MAST1: variants seen among roughly 807,000 people sequenced by gnomAD.
The protein encoded by MAST1 is microtubule associated serine/threonine kinase 1, also known as microtubule-associated serine/threonine-protein kinase 1.
Under a neutral mutation model 124.6 loss-of-function variants are expected in MAST1, and 40 were observed. The observed-to-expected ratio is 0.32, with a 90% confidence interval of 0.25 to 0.42. The LOEUF is 0.42. Among genes scored for constraint, MAST1 ranks in the 10% least tolerant of loss-of-function variants. The probability of loss-of-function intolerance (pLI) is 1.00; values close to 1 mark genes in which losing one functional copy is unlikely to be tolerated. For synonymous variants in MAST1, 938 were observed against 939.4 expected (o/e 1.00, Z 0.03); for missense variants, 1,558 against 2,181.9 (o/e 0.71, Z 5.70).
Position 12,865,545 on chromosome 19 carries a change from G to C in MAST1, c.1804+64G>C. On this transcript the variant is annotated intron_variant, in intron 15 of 25. Transcript: ENST00000251472. The surrounding 1 kb of genome is among the most constrained non-coding windows in gnomAD (Gnocchi z 7.1). Reference sequence around the variant, plus strand: ...TGCACGGAGAGATGGACAGGCTCAGGGTTCCAGGGATTTCAAAAGCGACCC... The same window carrying C: ...TGCACGGAGAGATGGACAGGCTCAGCGTTCCAGGGATTTCAAAAGCGACCC... 1.3e-6 allele frequency: 2 copies of C among 1,529,780 alleles called. No homozygotes were observed. The highest frequency in any genetic ancestry group is 1.8e-6 in the Non-Finnish European group (2 of 1,138,228). The allele number at this position is 1,529,780 out of a possible 1,614,324, so 94.8% of individuals were successfully genotyped here.
In MAST1 at chr19:12,873,485, G is replaced by T. The variant is rs750893453; in HGVS notation, c.3425G>T (p.Arg1142Leu). 6.8e-6 allele frequency: 11 copies of T among 1,607,142 alleles called. No homozygotes were observed. The highest frequency in any genetic ancestry group is 1.3e-5 in the African/African-American group (1 of 74,898). Residue 1142 changes from arginine (R) to leucine (L), a missense_variant, in exon 25 of 26, where the codon CGC becomes CTC. Arg to Leu is a moderately radical substitution (Grantham distance 102). This residue lies in a region of MAST1 where 291 missense variants were observed against 475.8 expected (regional missense o/e 0.61). Coordinates refer to ENST00000251472, the MANE Select transcript of MAST1 (RefSeq NM_014975.3). ...GCGCGCTCGCCCACGCACAGCTACC[G>T]CTCCACGCCTGACTCCGCCTACCTA... Reference protein sequence around the residue: ...LPARSPTHSYRSTPDSAYLGA... With the variant: ...LPARSPTHSYLSTPDSAYLGA...
chr19:12,840,648 C>T (rs766407909), intron 2 of MAST1, 114 bp downstream of exon 2: 5 of 775,100 alleles, frequency 6.5e-6, no homozygotes, highest in Non-Finnish European at 1.1e-5. Context: ...GGAGGCGAAC[C>T]AGTTTGGATA....
chr19:12,843,136 T>A lies in MAST1; in HGVS notation c.249-393T>A, dbSNP rs1008596993. ...CACAATATTCTATGTCAGAACATGTTGGGGGGTGGGACGGGTCTTTTTTCT... is the reference window on the plus strand; with the variant it reads ...CACAATATTCTATGTCAGAACATGTAGGGGGGTGGGACGGGTCTTTTTTCT... On this transcript the variant is annotated intron_variant, in intron 3 of 25. Transcript: ENST00000251472. This position sits in a 1 kb window ranked among gnomAD's most constrained non-coding sequence, Gnocchi z 4.9. Among the ~76,000 whole-genome samples, 4 of 152,060 alleles carry A rather than the reference T, an allele frequency of 2.6e-5. No homozygotes were observed. The highest frequency in any genetic ancestry group is 7.2e-5 in the African/African-American group (3 of 41,390).
At position 12,847,600 on chromosome 19, in the gene MAST1, C is replaced by T. The variant is rs765643536; in HGVS notation, c.489-12C>T. The T allele has an allele frequency of 1.2e-6, 2 of 1,614,000 alleles. No homozygotes were observed. The highest frequency in any genetic ancestry group is 1.7e-6 in the Non-Finnish European group (2 of 1,180,012). ...GCAGAGGACTCGACAAAATGGGCTT[C>T]TCTCCCCGCAGCCCCGGGCGCTCCC... On this transcript the variant is annotated splice_polypyrimidine_tract_variant and intron_variant, in intron 5 of 25. Transcript: ENST00000251472. The surrounding 1 kb of genome is among the most constrained non-coding windows in gnomAD (Gnocchi z 5.5).
Position 12,867,961 on chromosome 19 carries a change from C to T in MAST1, c.2550C>T (p.Ala850=), listed in dbSNP as rs371451221. The T allele has an allele frequency of 4.2e-5, 66 of 1,554,940 alleles. No individual in the cohort carries two copies. In the African/African-American group the frequency reaches 8.6e-4, roughly 20 times the overall value. The change falls in exon 20 of 26, where the codon GCC becomes GCT. Residue 850 remains alanine, a synonymous_variant. Coordinates refer to ENST00000251472, the MANE Select transcript of MAST1 (RefSeq NM_014975.3). ...CTCAAGGGGAAGGCACCTCCAGCGC[C>T]GGGGACTCCGAGGCCAGTGAGTGCC... ...EETQGEGTSS[A]GDSEATDRPR...
At chr19:12,848,199 G>A in intron 7 of MAST1, 142 bp downstream of exon 7, 1 of 724,046 alleles carries the variant, frequency 1.4e-6, no homozygotes, top group Non-Finnish European at 2.3e-6. Context: ...ACTCAGGGGT[G>A]GAAGTGGTCC....
chr19:12,873,510 A>G lies in MAST1; in HGVS notation c.3450A>G (p.Leu1150=), dbSNP rs1222607650. ...GCTCCACGCCTGACTCCGCCTACCT[A>G]GGTATTACCTCCTGCACCTGCGCGG... The part of the protein sequence containing the change: ...SYRSTPDSAY[L]GASSQSSSPA... Residue 1150 remains leucine (L), a splice_region_variant and synonymous_variant, in exon 25 of 26, where the codon CTA becomes CTG. Coordinates refer to ENST00000251472, the MANE Select transcript of MAST1 (RefSeq NM_014975.3). The G allele has an allele frequency of 4.4e-6, 7 of 1,601,460 alleles. No homozygotes were observed. The highest frequency in any genetic ancestry group is 5.1e-6 in the Non-Finnish European group (6 of 1,176,514).
chr19:12,839,318 A>T (rs1969799399), intron 1 of MAST1, among the ~76,000 whole-genome samples: 1 of 152,140 alleles, frequency 6.6e-6, no homozygotes, highest in South Asian at 2.1e-4. Context: ...CCATGCACAG[A>T]CACACAGGGG....
intron 12 of MAST1, 47 bp downstream of exon 12, chr19:12,858,786 G>A: frequency 1.9e-6 from 3 of 1,603,460 alleles, no homozygotes; most frequent in Non-Finnish European, 2.6e-6. Flanking sequence ...CGTGCTCACT[G>A]GTCAGGGCTG....
chr19:12,874,539 A>T lies in MAST1; in HGVS notation c.4382A>T (p.Gln1461Leu). 6.6e-7 allele frequency: 1 copy of T among 1,519,340 alleles called. No homozygotes were observed. The highest frequency in any genetic ancestry group is 8.8e-7 in the Non-Finnish European group (1 of 1,137,794). 94.1% of individuals were successfully genotyped at this position (1,519,340 alleles called of 1,614,324 possible). A position where few individuals can be genotyped will look rare whatever the true frequency, so the allele number is the denominator to read the frequency against. ...CTGGGCGCGGACTCCAAGGGGTTGC[A>T]GGAACCCGCACCCCTGGCGCCTTCC... ...QPLGADSKGLQEPAPLAPSVP... is the reference protein window; with the variant it reads ...QPLGADSKGLLEPAPLAPSVP... Residue 1461 changes from glutamine to leucine, a missense_variant, in exon 26 of 26, where the codon CAG becomes CTG. Coordinates refer to ENST00000251472, the MANE Select transcript of MAST1 (RefSeq NM_014975.3). The surrounding 1 kb of genome is among the most constrained non-coding windows in gnomAD (Gnocchi z 6.6).
chr19:12,858,466 G>A lies in MAST1; in HGVS notation c.1157+25G>A, dbSNP rs1358481607. 7 of 1,612,602 alleles carry A rather than the reference G, an allele frequency of 4.3e-6. No individual in the cohort carries two copies. The Admixed American group carries it at 8.3e-5, about 19-fold the overall frequency. ...GGTGAGCCACCCGGGGCTCTGGCGG[G>A]GGGAGGGTGGCGGAGGCCGGGTGTC... On this transcript the variant is annotated intron_variant, in intron 11 of 25. Transcript: ENST00000251472.
intron 4 of MAST1, among the ~76,000 whole-genome samples, chr19:12,845,243 CA>C (rs2145887701): frequency 6.6e-6 from 1 of 151,240 alleles, no homozygotes; most frequent in South Asian, 2.1e-4. Context: ...CTGGAGGTTG[CA>C]GTGAGCCAAG....
At chr19:12,859,826 CA>C (rs60098806) in intron 12 of MAST1, among the ~76,000 whole-genome samples, 31,621 of 93,114 alleles carry the variant, frequency 0.34, 4,060 homozygotes, top group East Asian at 0.61. Context: ...CCCTGTCCCG[CA>C]AAAAAAAAAA....
At chr19:12,855,310 G>A (rs190468457) in intron 10 of MAST1, among the ~76,000 whole-genome samples, 7 of 152,116 alleles carry the variant, frequency 4.6e-5, no homozygotes, top group Admixed American at 3.9e-4. Context: ...TCTGGGTTTG[G>A]GCCTTCTCTT....
intron 10 of MAST1, among the ~76,000 whole-genome samples, chr19:12,857,597 A>G (rs1387757534): frequency 6.6e-6 from 1 of 151,340 alleles, no homozygotes; most frequent in East Asian, 1.9e-4. Flanking sequence ...TATTTTCAGT[A>G]GAGATGGGGT....
chr19:12,849,860 C>T (rs557795532), intron 7 of MAST1, among the ~76,000 whole-genome samples: 1 of 151,528 alleles, frequency 6.6e-6, no homozygotes, highest in Non-Finnish European at 1.5e-5. Context: ...TGCAGTGGTG[C>T]GATTTTGGCT....
At position 12,871,142 on chromosome 19, in the gene MAST1, A is replaced by G. The variant is rs750073868; in HGVS notation, c.3233A>G (p.Lys1078Arg). Residue 1078 changes from lysine to arginine, a missense_variant, in exon 24 of 26, where the codon AAG becomes AGG. By Grantham distance (26) the Lys-to-Arg change is conservative (BLOSUM62 2). Around this residue, in one of 10 missense-constraint regions of MAST1, gnomAD observed 291 missense variants for 475.8 expected, o/e 0.61. Coordinates refer to ENST00000251472, the MANE Select transcript of MAST1 (RefSeq NM_014975.3). ...SYKAKMARRN[K>R]RPSAKEGQES... ...AAGGCTAAAATGGCTCGGAGGAACA[A>G]GCGACCCTCCGCCAAGGAGGGCCAG... 3 of 1,613,946 alleles carry G rather than the reference A, an allele frequency of 1.9e-6. No individual in the cohort carries two copies. Among genetic ancestry groups the G allele is most frequent in the South Asian group, 2.2e-5 (2 of 91,088 alleles).
intron 21 of MAST1, 90 bp downstream of exon 21, chr19:12,868,939 C>T (rs1599590971): frequency 6.5e-7 from 1 of 1,540,438 alleles, no homozygotes; most frequent in African/African-American, 1.4e-5. Flanking sequence ...CCCTGTCCAC[C>T]GTGATTGGCT....
At chr19:12,861,313 C>T (rs946628065) in intron 12 of MAST1, among the ~76,000 whole-genome samples, 2 of 152,068 alleles carry the variant, frequency 1.3e-5, no homozygotes, top group African/African-American at 4.8e-5. Flanking sequence ...ATCAGCCCAC[C>T]TTGGCCTCCC....
Sources: allele counts gnomAD v4.1 joint callset (sites outside exome capture counted in the v4.1 genomes callset), GRCh38; gene constraint gnomAD v4.1.1; regional missense constraint gnomAD v4.1.1; non-coding constraint Gnocchi (gnomAD v3.1); transcripts MANE v1.5; gene names NCBI Gene and HGNC (gene_info 2026-07-23, HGNC 2026-07-21).